Variants in SORCS2 observed in about 807,000 individuals in gnomAD.
The protein encoded by SORCS2 is sortilin related VPS10 domain containing receptor 2, also known as VPS10 domain-containing receptor SorCS2.
A neutral mutation model predicts 141.6 loss-of-function variants in SORCS2; 100 were observed. That is an observed-to-expected ratio of 0.71 (90% CI 0.60 to 0.83). The LOEUF is 0.83. SORCS2 is among the 40% of genes least tolerant of loss of function. The probability of loss-of-function intolerance (pLI) is 0.00; values close to 1 mark genes in which losing one functional copy is unlikely to be tolerated. For missense variants in SORCS2, 1,646 were observed against 1,560.2 expected (o/e 1.05, Z -0.93); for synonymous variants, 789 against 676.9 (o/e 1.17, Z -2.57).
At position 7,286,549 on chromosome 4, in the gene SORCS2, C is replaced by T. The variant is rs144560634; in HGVS notation, c.480+93423C>T. Among the ~76,000 whole-genome samples the T allele has an allele frequency of 1.2e-3, 183 of 152,262 alleles. No homozygotes were observed. The highest frequency in any genetic ancestry group is 3.4e-3 in the Middle Eastern group (1 of 294). ...CTGGGCCTGGCACTGGAGCTGGGGTCGGTCCCAGGACCAGAAGGGACATGG... is the reference window on the plus strand; with the variant it reads ...CTGGGCCTGGCACTGGAGCTGGGGTTGGTCCCAGGACCAGAAGGGACATGG... On this transcript the variant is annotated intron_variant, in intron 1 of 26. Coordinates refer to ENST00000507866, the MANE Select transcript of SORCS2 (RefSeq NM_020777.3). The surrounding 1 kb of genome is among the most constrained non-coding windows in gnomAD (Gnocchi z 4.1).
At chr4:7,258,315 C>T (rs1474906162) in intron 1 of SORCS2, among the ~76,000 whole-genome samples, 1 of 152,192 alleles carries the variant, frequency 6.6e-6, no homozygotes, top group Admixed American at 6.5e-5. Context: ...CACCCACCGA[C>T]AGGCCCCGGT....
chr4:7,516,398 G>A (rs941429260), intron 2 of SORCS2, among the ~76,000 whole-genome samples: 1 of 152,272 alleles, frequency 6.6e-6, no homozygotes, highest in African/African-American at 2.4e-5. Context: ...AGGGGCTCTG[G>A]CTTCATCCTG....
intron 6 of SORCS2, among the ~76,000 whole-genome samples, chr4:7,662,207 G>T: frequency 6.6e-6 from 1 of 151,834 alleles, no homozygotes; most frequent in Non-Finnish European, 1.5e-5. Flanking sequence ...TCAGTTGCTA[G>T]GTGTGGCTCC....
At chr4:7,682,662 A>C in intron 9 of SORCS2, 81 bp from the exon 10 acceptor site, 2 of 1,411,076 alleles carry the variant, frequency 1.4e-6, no homozygotes, top group Non-Finnish European at 1.9e-6. Context: ...GCACTTTAGC[A>C]AGGGGCTGGA....
At chr4:7,524,732 C>G (rs1251931939) in intron 2 of SORCS2, among the ~76,000 whole-genome samples, 1 of 152,116 alleles carries the variant, frequency 6.6e-6, no homozygotes, top group African/African-American at 2.4e-5. Context: ...TTCCCACCGG[C>G]CTGGCCTCCG....
chr4:7,713,243 T>C (rs899561751), intron 15 of SORCS2, among the ~76,000 whole-genome samples: 2 of 152,058 alleles, frequency 1.3e-5, no homozygotes, highest in Non-Finnish European at 2.9e-5. Context: ...CACACTGTAA[T>C]TGAGACACAT....
At chr4:7,551,204 C>G (rs553702093) in intron 3 of SORCS2, among the ~76,000 whole-genome samples, 2 of 152,200 alleles carry the variant, frequency 1.3e-5, no homozygotes, top group Non-Finnish European at 2.9e-5. Flanking sequence ...GTCAAGATCT[C>G]TCAGCGGAGC....
intron 3 of SORCS2, among the ~76,000 whole-genome samples, chr4:7,633,458 G>A (rs1388225090): frequency 7.2e-5 from 11 of 152,148 alleles, no homozygotes; most frequent in South Asian, 2.1e-4. Flanking sequence ...CCAGGAAGCC[G>A]TCCTACCTGC....
At chr4:7,236,973 G>C (rs1370328380) in intron 1 of SORCS2, among the ~76,000 whole-genome samples, 4 of 152,186 alleles carry the variant, frequency 2.6e-5, no homozygotes, top group Non-Finnish European at 5.9e-5. Flanking sequence ...CCAGGGCTCT[G>C]CTGAGCCCAC....
At chr4:7,277,453 G>A (rs1451947184) in intron 1 of SORCS2, among the ~76,000 whole-genome samples, 5 of 152,174 alleles carry the variant, frequency 3.3e-5, no homozygotes, top group South Asian at 4.1e-4. Flanking sequence ...GATGAGAAAC[G>A]TGGCCCAGTA....
intron 2 of SORCS2, among the ~76,000 whole-genome samples, chr4:7,517,191 T>C (rs16840432): frequency 0.014 from 2,106 of 152,302 alleles, 25 homozygotes; most frequent in Middle Eastern, 0.031. Flanking sequence ...GGGTCAGTGT[T>C]AGTGTTAGCT....
chr4:7,443,927 C>T (rs1046526331), intron 2 of SORCS2, among the ~76,000 whole-genome samples: 10 of 152,210 alleles, frequency 6.6e-5, no homozygotes, highest in Non-Finnish European at 1.2e-4. Context: ...CGCTGCTGGC[C>T]GATCTTAACA....
chr4:7,299,673 T>G (rs1717308213), intron 1 of SORCS2, among the ~76,000 whole-genome samples: 2 of 152,322 alleles, frequency 1.3e-5, no homozygotes, highest in South Asian at 4.1e-4. Context: ...AATTGTCCTA[T>G]TATCTGAAAA....
chr4:7,582,162 A>G (rs1016510710), intron 3 of SORCS2, among the ~76,000 whole-genome samples: 19 of 152,204 alleles, frequency 1.2e-4, no homozygotes, highest in Admixed American at 1.3e-4. Flanking sequence ...ATGCAAAAGA[A>G]CTTTGAAATG....
At chr4:7,513,449 T>C (rs975368056) in intron 2 of SORCS2, among the ~76,000 whole-genome samples, 5 of 152,222 alleles carry the variant, frequency 3.3e-5, no homozygotes, top group Admixed American at 2.0e-4. Flanking sequence ...AGGATTCACC[T>C]GCAGCCCAGC....
At chr4:7,471,305 G>T (rs1729962003) in intron 2 of SORCS2, among the ~76,000 whole-genome samples, 1 of 152,258 alleles carries the variant, frequency 6.6e-6, no homozygotes, top group Admixed American at 6.5e-5. Flanking sequence ...GGGCAATGTT[G>T]TGGCCTTCTC....
At chr4:7,438,382 A>C (rs945803975) in intron 2 of SORCS2, among the ~76,000 whole-genome samples, 1 of 152,218 alleles carries the variant, frequency 6.6e-6, no homozygotes. Context: ...ATCTTTGATC[A>C]CTTGGAGAAG....
chr4:7,303,619 A>T (rs1020402890), intron 1 of SORCS2, among the ~76,000 whole-genome samples: 1 of 152,218 alleles, frequency 6.6e-6, no homozygotes, highest in Non-Finnish European at 1.5e-5. Context: ...CCTGCAAACC[A>T]TTCTGGGAGC....
chr4:7,523,661 C>G (rs1733480627), intron 2 of SORCS2, among the ~76,000 whole-genome samples: 1 of 152,150 alleles, frequency 6.6e-6, no homozygotes, highest in South Asian at 2.1e-4. Flanking sequence ...CAGCATCCAT[C>G]ACACTGACCC....
Sources: allele counts gnomAD v4.1 joint callset (sites outside exome capture counted in the v4.1 genomes callset), GRCh38; gene constraint gnomAD v4.1.1; non-coding constraint Gnocchi (gnomAD v3.1); transcripts MANE v1.5; gene names NCBI Gene and HGNC (gene_info 2026-07-23, HGNC 2026-07-21).